The following PDGFRA variants were observed in gnomAD, a reference collection of about 807,000 sequenced individuals.
PDGFRA encodes platelet derived growth factor receptor alpha.
A neutral mutation model predicts 121.5 loss-of-function variants in PDGFRA; 25 were observed. The ratio of observed to expected loss-of-function variants is 0.21; its 90% CI spans 0.15 to 0.29. The LOEUF is 0.29. Among genes scored for constraint, PDGFRA ranks in the 10% least tolerant of loss-of-function variants. The probability of loss-of-function intolerance (pLI) is 1.00; values close to 1 mark genes in which losing one functional copy is unlikely to be tolerated. For missense variants in PDGFRA, 1,008 were observed against 1,345.1 expected (o/e 0.75, Z 3.92); for synonymous variants, 463 against 494.8 (o/e 0.94, Z 0.85).
Position 54,256,569 on chromosome 4 carries a change from G to T in PDGFRA, c.-12-2188G>T, listed in dbSNP as rs148435794. On this transcript the variant is annotated intron_variant, in intron 1 of 22. Coordinates refer to ENST00000257290, the MANE Select transcript of PDGFRA (RefSeq NM_006206.6). ...AATAATTTTTTTTTTTTTTGAAATG[G>T]AATCTCAGTCTGTCGCCCACACTGG... Among the ~76,000 whole-genome samples the T allele has an allele frequency of 2.9e-3, 433 of 151,112 alleles. 2 individuals carry two copies. Among genetic ancestry groups the T allele is most frequent in the African/African-American group, 9.7e-3 (401 of 41,154 alleles).
intron 5 of PDGFRA, 80 bp downstream of exon 5, chr4:54,265,129 C>T: frequency 7.6e-7 from 1 of 1,308,786 alleles, no homozygotes; most frequent in East Asian, 2.3e-5. Context: ...CGGTCTGTCA[C>T]TGATGGGCAC....
chr4:54,272,342 T>C (rs368079327), intron 8 of PDGFRA, 52 bp from the exon 9 acceptor site: 303 of 1,604,906 alleles, frequency 1.9e-4, no homozygotes, highest in Non-Finnish European at 1.1e-4. Context: ...TGTAGTCTCA[T>C]ATGTTCTGGG....
intron 1 of PDGFRA, among the ~76,000 whole-genome samples, chr4:54,232,666 C>A (rs1372263788): frequency 2.6e-5 from 4 of 152,224 alleles, no homozygotes; most frequent in Non-Finnish European, 5.9e-5. Context: ...CTCACTGCAA[C>A]CTCTGCCTCC....
intron 5 of PDGFRA, among the ~76,000 whole-genome samples, chr4:54,265,759 G>T (rs1056984881): frequency 1.3e-5 from 2 of 152,158 alleles, no homozygotes; most frequent in Non-Finnish European, 2.9e-5. Flanking sequence ...CACTAAGTGT[G>T]TAAGACAGCC....
In PDGFRA at chr4:54,292,981, CAT is replaced by C. The variant is rs545250588; in HGVS notation, c.3123-2143_3123-2142del. On this transcript the variant is annotated intron_variant, in intron 22 of 22. Coordinates refer to ENST00000257290, the MANE Select transcript of PDGFRA (RefSeq NM_006206.6). ...TAATCTGTACATCAAACCGCCATGA[CAT>C]GTGATTTATCCATGTAACCTGCACA... Among the ~76,000 whole-genome samples, 286 of 152,230 alleles carry C rather than the reference CAT, an allele frequency of 1.9e-3. 5 individuals are homozygous for C. The highest frequency in any genetic ancestry group is 0.018 in the Admixed American group (274 of 15,286).
chr4:54,276,381 T>A (rs947573342), intron 12 of PDGFRA, among the ~76,000 whole-genome samples: 2 of 152,216 alleles, frequency 1.3e-5, no homozygotes, highest in African/African-American at 4.8e-5. Context: ...GCTGGCTCTG[T>A]GTGAATTAAA....
intron 12 of PDGFRA, among the ~76,000 whole-genome samples, chr4:54,276,101 G>A (rs1723705101): frequency 6.6e-6 from 1 of 152,088 alleles, no homozygotes; most frequent in South Asian, 2.1e-4. Flanking sequence ...CACCACCCAG[G>A]TCAATAAACT....
At chr4:54,249,526 T>A (rs368859246) in intron 1 of PDGFRA, among the ~76,000 whole-genome samples, 7 of 151,876 alleles carry the variant, frequency 4.6e-5, no homozygotes, top group Admixed American at 3.9e-4. Context: ...CAGTAAACTA[T>A]CGCAAGAAGA....
intron 8 of PDGFRA, among the ~76,000 whole-genome samples, chr4:54,271,588 C>T (rs1405476219): frequency 6.8e-6 from 1 of 146,102 alleles, no homozygotes; most frequent in Non-Finnish European, 1.5e-5. Flanking sequence ...TTCTCTCCCT[C>T]CCTTGTTATC....
intron 1 of PDGFRA, among the ~76,000 whole-genome samples, chr4:54,237,088 C>T (rs1721058557): frequency 6.6e-6 from 1 of 152,040 alleles, no homozygotes; most frequent in African/African-American, 2.4e-5. Context: ...CCTGCCTCAG[C>T]CTCCCGAGTA....
At chr4:54,269,496 CACAT>C (rs200378644) in intron 7 of PDGFRA, among the ~76,000 whole-genome samples, 2,613 of 142,710 alleles carry the variant, frequency 0.018, 93 homozygotes, top group African/African-American at 0.067. Context: ...TATATTTATG[CACAT>C]ACATACACAC....
In PDGFRA at chr4:54,261,390, G is replaced by C; in HGVS notation, c.345G>C (p.Arg115Ser). 1 of 1,613,986 alleles carries C rather than the reference G, an allele frequency of 6.2e-7. No homozygotes were observed. The highest frequency in any genetic ancestry group is 8.5e-7 in the Non-Finnish European group (1 of 1,179,944). ...TQTEENELEGRHIYIYVPDPD... is the reference protein window; with the variant it reads ...TQTEENELEGSHIYIYVPDPD... ...CAGAAGAGAATGAGCTTGAAGGCAG[G>C]CACATTTACATCTATGTGCCAGGTG... is the stretch of plus-strand genomic sequence containing the variant. Residue 115 changes from arginine to serine, a missense_variant, in exon 3 of 23, where the codon AGG becomes AGC. Around this residue, in one of 5 missense-constraint regions of PDGFRA, gnomAD observed 575 missense variants for 701.8 expected, o/e 0.82. Coordinates refer to ENST00000257290, the MANE Select transcript of PDGFRA (RefSeq NM_006206.6).
chr4:54,272,956 T>C (rs1167817987), intron 9 of PDGFRA, among the ~76,000 whole-genome samples: 1 of 152,346 alleles, frequency 6.6e-6, no homozygotes, highest in Admixed American at 6.5e-5. Context: ...TTACACTTCA[T>C]CCATGGTAAC....
intron 16 of PDGFRA, among the ~76,000 whole-genome samples, chr4:54,282,867 G>A (rs1425173801): frequency 5.3e-5 from 8 of 152,142 alleles, no homozygotes; most frequent in South Asian, 4.1e-4. Flanking sequence ...GGGAGAAATC[G>A]GCCAAAAGAA....
intron 1 of PDGFRA, among the ~76,000 whole-genome samples, chr4:54,254,696 G>T (rs908540367): frequency 2.0e-5 from 3 of 152,186 alleles, no homozygotes; most frequent in African/African-American, 7.2e-5. Context: ...TTGTCAGTGG[G>T]AGGCTGATAT....
intron 12 of PDGFRA, among the ~76,000 whole-genome samples, chr4:54,276,428 C>T (rs1216864988): frequency 6.6e-6 from 1 of 152,122 alleles, no homozygotes; most frequent in Non-Finnish European, 1.5e-5. Context: ...CTTGGTAAAT[C>T]GGCTCTGTCT....
chr4:54,241,107 A>G (rs1193195945), intron 1 of PDGFRA, among the ~76,000 whole-genome samples: 1 of 152,246 alleles, frequency 6.6e-6, no homozygotes, highest in Non-Finnish European at 1.5e-5. Context: ...AAATTCATAT[A>G]TAACTCTGTA....
At chr4:54,246,424 T>C (rs890592496) in intron 1 of PDGFRA, among the ~76,000 whole-genome samples, 5 of 152,118 alleles carry the variant, frequency 3.3e-5, no homozygotes, top group Admixed American at 6.6e-5. Flanking sequence ...CACTGAAAAC[T>C]GCTCAACTAC....
At chr4:54,257,758 T>A (rs1722452885) in intron 1 of PDGFRA, among the ~76,000 whole-genome samples, 1 of 152,188 alleles carries the variant, frequency 6.6e-6, no homozygotes, top group African/African-American at 2.4e-5. Context: ...GGGGAAGAGA[T>A]AAAGAAGAGA....
Sources: gnomAD v4.1 joint callset for allele counts (sites outside exome capture counted in the v4.1 genomes callset) on GRCh38, gnomAD v4.1.1 for gene constraint, gnomAD v4.1.1 regional missense constraint, MANE v1.5 for transcripts, NCBI Gene and HGNC (gene_info 2026-07-23, HGNC 2026-07-21) for gene names.